The following SECISBP2L variants were observed in gnomAD, a reference collection of about 807,000 sequenced individuals.
SECISBP2L encodes the protein SECIS binding protein 2 like.
SECISBP2L carries 43 observed loss-of-function variants against 114.7 expected under a neutral mutation model. That is an observed-to-expected ratio of 0.38 (90% CI 0.29 to 0.48). The LOEUF (loss-of-function observed/expected upper bound fraction) is 0.48, where lower values mean the gene tolerates loss of function less well. Among genes scored for constraint, SECISBP2L ranks in the 20% least tolerant of loss-of-function variants. The probability of loss-of-function intolerance (pLI) is 0.98; values close to 1 mark genes in which losing one functional copy is unlikely to be tolerated. For synonymous variants in SECISBP2L, 451 were observed against 439.7 expected, an observed-to-expected ratio of 1.03 and a Z score of -0.32; for missense variants, 1,136 against 1,301.1, an observed-to-expected ratio of 0.87 and a Z score of 1.95.
intron 4 of SECISBP2L, among the ~76,000 whole-genome samples, chr15:49,031,184 A>G (rs1902882302): frequency 6.6e-6 from 1 of 151,534 alleles, no homozygotes; most frequent in Admixed American, 6.6e-5. Flanking sequence ...AGATAGCTAG[A>G]CTACAGGCAC....
At chr15:48,994,640 T>A (rs1902050455) in intron 17 of SECISBP2L, among the ~76,000 whole-genome samples, 1 of 152,218 alleles carries the variant, frequency 6.6e-6, no homozygotes, top group African/African-American at 2.4e-5. Context: ...TTCATCTTGA[T>A]AACCACTCTT....
intron 1 of SECISBP2L, among the ~76,000 whole-genome samples, chr15:49,045,981 C>T (rs1257488808): frequency 6.6e-6 from 1 of 152,168 alleles, no homozygotes; most frequent in Non-Finnish European, 1.5e-5. Context: ...AGTTATAAGC[C>T]CTCCTCCCAG....
At position 49,033,197 on chromosome 15, in the gene SECISBP2L, A is replaced by G. The variant is rs553217448; in HGVS notation, c.529-97T>C. The stretch of plus-strand genomic sequence containing the variant: ...ATCTAAAATAAACATTATAAAATAC[A>G]CATCTTAAGTGTATGTTCACAATTC... On this transcript the variant is annotated intron_variant, in intron 3 of 17. Coordinates refer to ENST00000559471, the MANE Select transcript of SECISBP2L (RefSeq NM_001193489.2). The G allele has an allele frequency of 1.8e-3, 2,482 of 1,352,158 alleles. 35 individuals carry two copies. The South Asian group carries it at 0.02, about 11-fold the overall frequency. 83.8% of individuals were successfully genotyped at this position (1,352,158 alleles called of 1,614,324 possible).
At chr15:49,034,600 T>C (rs1023141941) in intron 3 of SECISBP2L, among the ~76,000 whole-genome samples, 1 of 151,590 alleles carries the variant, frequency 6.6e-6, no homozygotes, top group Admixed American at 6.6e-5. Flanking sequence ...TGAAGCGATC[T>C]AATGAACCAC....
chr15:49,020,978 A>G (rs1391514780), intron 7 of SECISBP2L, among the ~76,000 whole-genome samples: 1 of 152,206 alleles, frequency 6.6e-6, no homozygotes, highest in Non-Finnish European at 1.5e-5. Context: ...TTATGGACTA[A>G]AATGTTTCCA....
chr15:49,022,343 T>C (rs945599855), intron 7 of SECISBP2L, among the ~76,000 whole-genome samples: 4 of 152,232 alleles, frequency 2.6e-5, no homozygotes, highest in Non-Finnish European at 5.9e-5. Flanking sequence ...CTCATGCCTG[T>C]AATCCCAGCA....
Position 49,027,495 on chromosome 15 carries a change from AT to A in SECISBP2L, c.920-16del. Reference sequence around the variant, plus strand: ...ATTTACACCACCTATAACAAATGAAATTTTAAATTATAATTTACTTATAAAA... The same window carrying A: ...ATTTACACCACCTATAACAAATGAAATTTAAATTATAATTTACTTATAAAA... On this transcript the variant is annotated splice_polypyrimidine_tract_variant and intron_variant, in intron 6 of 17. Coordinates refer to ENST00000559471, the MANE Select transcript of SECISBP2L (RefSeq NM_001193489.2). 1 of 1,455,412 alleles carries A rather than the reference AT, an allele frequency of 6.9e-7. No homozygotes were observed. Among genetic ancestry groups the A allele is most frequent in the Non-Finnish European group, 9.4e-7 (1 of 1,063,972 alleles). 90.2% of individuals were successfully genotyped at this position (1,455,412 alleles called of 1,614,324 possible). A position where few individuals can be genotyped will look rare whatever the true frequency, so the allele number is the denominator to read the frequency against.
chr15:48,994,841 GGAAA>G (rs1341105910), intron 17 of SECISBP2L, among the ~76,000 whole-genome samples: 26 of 108,816 alleles, frequency 2.4e-4, no homozygotes, highest in South Asian at 8.5e-4. Context: ...TAAGTGCTGG[GGAAA>G]AAAAAAAAAA....
chr15:49,003,605 T>C (rs553185647), intron 14 of SECISBP2L, among the ~76,000 whole-genome samples: 35 of 152,360 alleles, frequency 2.3e-4, no homozygotes, highest in African/African-American at 7.9e-4. Flanking sequence ...TATTTTGAGA[T>C]ACACTCCATC....
At chr15:49,017,790 A>C (rs1262939116) in intron 8 of SECISBP2L, 162 bp from the exon 9 acceptor site, 2 of 510,566 alleles carry the variant, frequency 3.9e-6, no homozygotes, top group Non-Finnish European at 6.8e-6. Flanking sequence ...CACATGCTAA[A>C]ATATAAACAA....
At chr15:49,041,362 T>C (rs1161755650) in intron 1 of SECISBP2L, among the ~76,000 whole-genome samples, 1 of 152,232 alleles carries the variant, frequency 6.6e-6, no homozygotes, top group African/African-American at 2.4e-5. Context: ...CAAAATGCCT[T>C]TGATGTAAAT....
In SECISBP2L at chr15:48,996,378, T is replaced by G; in HGVS notation, c.2612A>C (p.Glu871Ala). 1 of 1,613,968 alleles carries G rather than the reference T, an allele frequency of 6.2e-7. No homozygotes were observed. Among genetic ancestry groups the G allele is most frequent in the Non-Finnish European group, 8.5e-7 (1 of 1,179,902 alleles). Residue 871 changes from glutamate to alanine, a missense_variant, in exon 17 of 18, where the codon GAA becomes GCA. Glu to Ala is a moderately radical substitution (Grantham distance 107). Transcript: ENST00000559471. ...VISEPISEVN[E>A]KEYETNWRNM... ...ATTCAACAACTTACCATATTCCTTT[T>G]CATTTACTTCAGAGATCGGTTCAGA...
intron 1 of SECISBP2L, among the ~76,000 whole-genome samples, chr15:49,041,766 T>C (rs1221783166): frequency 6.6e-6 from 1 of 152,234 alleles, no homozygotes; most frequent in African/African-American, 2.4e-5. Flanking sequence ...AAACCCTCCA[T>C]ATTCTTTCTA....
chr15:49,025,985 T>C (rs564250211), intron 7 of SECISBP2L, among the ~76,000 whole-genome samples: 41 of 152,316 alleles, frequency 2.7e-4, no homozygotes, highest in African/African-American at 9.4e-4. Context: ...TAAGTGTCCA[T>C]CAGCAGATGA....
intron 11 of SECISBP2L, among the ~76,000 whole-genome samples, chr15:49,013,988 A>G (rs1239291103): frequency 1.3e-5 from 2 of 152,148 alleles, no homozygotes; most frequent in African/African-American, 4.8e-5. Context: ...CCTTCCCTTC[A>G]AGCTAAGGTG....
rs1020237398 is a variant in SECISBP2L, at chr15:48,989,612, C to T, written c.*2632G>A. On this transcript the variant is annotated 3_prime_UTR_variant, in exon 18 of 18. Coordinates refer to ENST00000559471, the MANE Select transcript of SECISBP2L (RefSeq NM_001193489.2). ...CAAACCTACTGAAGCAGAAATCTAA[C>T]TTTGGAAGTGTAATTCATATTTTAG... 6.6e-6 allele frequency: 1 copy of T among 152,440 alleles called. No individual in the cohort carries two copies. The highest frequency in any genetic ancestry group is 2.4e-5 in the African/African-American group (1 of 41,464). 9.4% of individuals were successfully genotyped at this position (152,440 alleles called of 1,614,324 possible).
At chr15:49,024,068 CA>C (rs1296795450) in intron 7 of SECISBP2L, among the ~76,000 whole-genome samples, 14 of 151,808 alleles carry the variant, frequency 9.2e-5, no homozygotes, top group Admixed American at 9.2e-4. Context: ...AGACCTATAC[CA>C]GACTAAAGAA....
At chr15:49,000,051 G>A (rs1010331331) in intron 15 of SECISBP2L, 64 bp from the exon 16 acceptor site, 26 of 1,543,708 alleles carry the variant, frequency 1.7e-5, no homozygotes, top group South Asian at 9.2e-5. Flanking sequence ...TTGCACACCC[G>A]ATAGCTAAAG....
At chr15:49,014,707 T>C (rs1309348776) in intron 11 of SECISBP2L, among the ~76,000 whole-genome samples, 1 of 149,766 alleles carries the variant, frequency 6.7e-6, no homozygotes, top group Non-Finnish European at 1.5e-5. Flanking sequence ...TATATATGGG[T>C]GTATATATAT....
Sources: allele counts gnomAD v4.1 joint callset (sites outside exome capture counted in the v4.1 genomes callset), GRCh38; gene constraint gnomAD v4.1.1; transcripts MANE v1.5; gene names NCBI Gene and HGNC (gene_info 2026-07-23, HGNC 2026-07-21).